CENPE: variants seen among roughly 807,000 people sequenced by gnomAD.
CENPE encodes the protein centromere protein E, also known as centromere-associated protein E.
In CENPE, 145 loss-of-function variants were observed where a neutral mutation model predicts 336.1. That is an observed-to-expected ratio of 0.43 (90% CI 0.38 to 0.50). The LOEUF is 0.50. Among genes scored for constraint, CENPE ranks in the 20% least tolerant of loss-of-function variants. CENPE has a pLI of 0.00. For missense variants in CENPE, 2,719 were observed against 3,023.3 expected, an observed-to-expected ratio of 0.90 and a Z score of 2.36; for synonymous variants, 1,013 against 984.8, an observed-to-expected ratio of 1.03 and a Z score of -0.54.
At chr4:103,135,629 C>A (rs1752002869) in intron 40 of CENPE, among the ~76,000 whole-genome samples, 1 of 152,122 alleles carries the variant, frequency 6.6e-6, no homozygotes, top group African/African-American at 2.4e-5. Flanking sequence ...CCTCTTATTG[C>A]TTTCTGCTAC....
chr4:103,194,578 A>G, intron 6 of CENPE, 25 bp downstream of exon 6: 1 of 1,571,670 alleles, frequency 6.4e-7, no homozygotes, highest in Non-Finnish European at 8.7e-7. Flanking sequence ...CAAGTGTTCT[A>G]AAGAAATACA....
rs778339236 is a variant in CENPE, at chr4:103,145,105, G to A, written c.4802C>T (p.Ala1601Val). Residue 1601 changes from alanine (A) to valine (V), a missense_variant, in exon 32 of 49, where the codon GCC becomes GTC. Ala to Val is a moderately conservative substitution (Grantham distance 64). Around this residue, in one of 5 missense-constraint regions of CENPE, gnomAD observed 2,437 missense variants for 2,513.3 expected, o/e 0.97. Coordinates refer to ENST00000265148, the MANE Select transcript of CENPE (RefSeq NM_001813.3). ...EKEEMKRVQE[A>V]LQIERDQLKE... ...CAGTTGGTCTCTCTCTATCTGAAGG[G>A]CCTCCTGTACTCTTTTCATTTCCTC... is the stretch of plus-strand genomic sequence containing the variant. 2.5e-6 allele frequency: 4 copies of A among 1,592,242 alleles called. No individual in the cohort carries two copies. Among genetic ancestry groups the A allele is most frequent in the Non-Finnish European group, 3.4e-6 (4 of 1,170,930 alleles).
At chr4:103,139,274 G>A (rs1252299331) in intron 38 of CENPE, among the ~76,000 whole-genome samples, 2 of 152,108 alleles carry the variant, frequency 1.3e-5, no homozygotes, top group African/African-American at 4.8e-5. Flanking sequence ...AAACTTGTCT[G>A]AACTCTGTTA....
intron 33 of CENPE, among the ~76,000 whole-genome samples, chr4:103,144,005 T>C (rs963047371): frequency 6.6e-5 from 10 of 152,046 alleles, no homozygotes; most frequent in Admixed American, 2.6e-4. Context: ...GGTGCGATCT[T>C]GGCTCACTGC....
intron 15 of CENPE, 35 bp downstream of exon 15, chr4:103,175,925 A>G (rs1400194098): frequency 7.9e-7 from 1 of 1,258,026 alleles, no homozygotes; most frequent in Non-Finnish European, 1.1e-6. Flanking sequence ...TAAAAAGAGT[A>G]AAAGCATTAT....
chr4:103,133,859 C>T lies in CENPE; in HGVS notation c.6556G>A (p.Glu2186Lys). The change falls in exon 41 of 49, where the codon GAA (glutamate) becomes AAA (lysine). Residue 2186 changes from glutamate to lysine, a missense_variant. Glu to Lys is a moderately conservative substitution (Grantham distance 56). This residue lies in a region of CENPE where 2,437 missense variants were observed against 2,513.3 expected (regional missense o/e 0.97). Coordinates refer to ENST00000265148, the MANE Select transcript of CENPE (RefSeq NM_001813.3). ...AATTTATTGATGGATTCATGTTGTT[C>T]TTCTTTTATTTTTGTAACATAGCTT... ...VLSYVTKIKE[E>K]QHESINKFEM... 1 of 1,592,920 alleles carries T rather than the reference C, an allele frequency of 6.3e-7. No individual in the cohort carries two copies. The highest frequency in any genetic ancestry group is 8.6e-7 in the Non-Finnish European group (1 of 1,165,904).
At chr4:103,176,073 T>C (rs1755830578) in intron 14 of CENPE, 25 bp from the exon 15 acceptor site, 2 of 1,438,276 alleles carry the variant, frequency 1.4e-6, no homozygotes, top group Non-Finnish European at 1.9e-6. Flanking sequence ...AAAAAAAATT[T>C]GTCCATGAAC....
At chr4:103,131,590 T>C (rs1002433246) in intron 42 of CENPE, among the ~76,000 whole-genome samples, 1 of 152,190 alleles carries the variant, frequency 6.6e-6, no homozygotes, top group Admixed American at 6.5e-5. Context: ...GATCCAGAAA[T>C]TGCATTCCTT....
Position 103,139,966 on chromosome 4 carries a change from T to C in CENPE, c.6027A>G (p.Gln2009=). ...MEQLKKQFEA[Q]NLSMQSVRMD... ...TTCTCACACTTTGCATAGATAAGTT[T>C]TGGGCCTCAAATTGCTTCTTCAACT... The change falls in exon 38 of 49, where the codon CAA becomes CAG. Residue 2009 remains glutamine (Q), a synonymous_variant. Coordinates refer to ENST00000265148, the MANE Select transcript of CENPE (RefSeq NM_001813.3). 6.2e-7 allele frequency: 1 copy of C among 1,613,456 alleles called. No individual in the cohort carries two copies. Among genetic ancestry groups the C allele is most frequent in the Non-Finnish European group, 8.5e-7 (1 of 1,179,670 alleles).
chr4:103,187,713 A>G (rs1578686611), intron 8 of CENPE, among the ~76,000 whole-genome samples: 1 of 152,248 alleles, frequency 6.6e-6, no homozygotes, highest in Non-Finnish European at 1.5e-5. Context: ...TGTAAAGACC[A>G]TTGAGGCTAG....
chr4:103,180,729 A>G (rs182740595), intron 12 of CENPE, among the ~76,000 whole-genome samples: 127 of 152,302 alleles, frequency 8.3e-4, no homozygotes, highest in African/African-American at 2.7e-3. Context: ...TGCTGTTAAT[A>G]TAACTCTATT....
intron 34 of CENPE, 124 bp downstream of exon 34, chr4:103,143,124 C>A: frequency 1.9e-5 from 9 of 480,826 alleles, no homozygotes; most frequent in East Asian, 1.4e-4. Context: ...ATGATAGTTT[C>A]TAAATTGAGT....
intron 43 of CENPE, 40 bp from the exon 44 acceptor site, chr4:103,120,373 G>T (rs770372004): frequency 2.7e-6 from 4 of 1,500,180 alleles, no homozygotes; most frequent in South Asian, 2.4e-5. Context: ...CTATCATCAA[G>T]ACAGAATCAC....
intron 35 of CENPE, among the ~76,000 whole-genome samples, chr4:103,141,430 G>C (rs1482839696): frequency 2.0e-5 from 3 of 152,136 alleles, no homozygotes; most frequent in Admixed American, 6.5e-5. Flanking sequence ...TCCTGGTTCA[G>C]TTTTGCCTGC....
intron 5 of CENPE, 128 bp downstream of exon 5, chr4:103,194,985 CA>C: frequency 5.0e-6 from 4 of 796,648 alleles, no homozygotes; most frequent in South Asian, 2.4e-5. Flanking sequence ...ATAAATACTT[CA>C]AAAAAACCCT....
Position 103,173,538 on chromosome 4 carries a change from T to C in CENPE, c.1647+1198A>G, listed in dbSNP as rs953662621. Among the ~76,000 whole-genome samples, 6 of 109,498 alleles carry C rather than the reference T, an allele frequency of 5.5e-5. No homozygotes were observed. In the South Asian group the frequency reaches 1.0e-3, roughly 19 times the overall value. The allele number at this position is 109,498 out of a possible 152,430, so 71.8% of individuals were successfully genotyped here. On this transcript the variant is annotated intron_variant, in intron 16 of 48. Coordinates refer to ENST00000265148, the MANE Select transcript of CENPE (RefSeq NM_001813.3). ...TTACAACTAAAGGCAAAGGAAATCA[T>C]CAATAAAGAGACAATATTTGCAAAA...
At chr4:103,121,549 CT>C (rs11454081) in intron 43 of CENPE, among the ~76,000 whole-genome samples, 3,154 of 135,834 alleles carry the variant, frequency 0.023, 32 homozygotes, top group Non-Finnish European at 0.031. Flanking sequence ...TTCTTTCTTT[CT>C]TTTTTTTTTT....
chr4:103,159,374 G>A, intron 21 of CENPE, 50 bp from the exon 22 acceptor site: 2 of 1,085,416 alleles, frequency 1.8e-6, no homozygotes, highest in South Asian at 2.4e-5. Flanking sequence ...ATGATTCACT[G>A]AAGCAATTTT....
chr4:103,194,973 ATAT>A lies in CENPE; in HGVS notation c.477+138_477+140del, dbSNP rs1757629375. The A allele has an allele frequency of 1.6e-5, 12 of 734,244 alleles. No individual in the cohort carries two copies. The South Asian group carries it at 3.0e-4, about 18-fold the overall frequency. 45.5% of individuals were successfully genotyped at this position (734,244 alleles called of 1,614,324 possible). A position where few individuals can be genotyped will look rare whatever the true frequency, so the allele number is the denominator to read the frequency against. ...ACTATTCATATTGTTTAAAAGATGA[ATAT>A]AAATACTTCAAAAAAACCCTCACAT... On this transcript the variant is annotated intron_variant, in intron 5 of 48. Coordinates refer to ENST00000265148, the MANE Select transcript of CENPE (RefSeq NM_001813.3).
Sources: gnomAD v4.1 joint callset for allele counts (sites outside exome capture counted in the v4.1 genomes callset) on GRCh38, gnomAD v4.1.1 for gene constraint, gnomAD v4.1.1 regional missense constraint, MANE v1.5 for transcripts, NCBI Gene and HGNC (gene_info 2026-07-23, HGNC 2026-07-21) for gene names.